The following SLC5A11 variants were observed in gnomAD, a reference collection of about 807,000 sequenced individuals.
SLC5A11 encodes the protein solute carrier family 5 member 11, also known as sodium/myo-inositol cotransporter 2.
Under a neutral mutation model 69.8 loss-of-function variants are expected in SLC5A11, and 48 were observed. That is an observed-to-expected ratio of 0.69 (90% CI 0.55 to 0.87). SLC5A11 has a LOEUF of 0.87. SLC5A11 is among the 40% of genes least tolerant of loss of function. SLC5A11 has a pLI of 0.00. For synonymous variants in SLC5A11, 319 were observed against 342.4 expected (o/e 0.93, Z 0.75); for missense variants, 784 against 866.1 (o/e 0.91, Z 1.19).
exon 15 of SLC5A11, chr16:24,910,397 A>C (rs1567712505): frequency 6.2e-7 from 1 of 1,614,124 alleles, no homozygotes; most frequent in Non-Finnish European, 8.5e-7. Flanking sequence ...ACCCTCTCTC[A>C]GAACGGGATG....
At chr16:24,899,378 T>G (rs1009278618) in intron 10 of SLC5A11, among the ~76,000 whole-genome samples, 6 of 152,150 alleles carry the variant, frequency 3.9e-5, no homozygotes, top group African/African-American at 1.4e-4. Context: ...GTGGTTGGGT[T>G]GGGTAACTTT....
chr16:24,868,768 A>G (rs1487660281), intron 3 of SLC5A11, among the ~76,000 whole-genome samples: 1 of 151,068 alleles, frequency 6.6e-6, no homozygotes, highest in African/African-American at 2.4e-5. Flanking sequence ...CTCTTTCACA[A>G]TTCTCTCTCC....
chr16:24,908,400 A>T (rs1158931065), intron 13 of SLC5A11, among the ~76,000 whole-genome samples: 1 of 152,042 alleles, frequency 6.6e-6, no homozygotes, highest in African/African-American at 2.4e-5. Context: ...GGAGTTTGAG[A>T]CCAGCCTGGC....
At chr16:24,859,787 TTAAC>T (rs1196504244) in intron 2 of SLC5A11, among the ~76,000 whole-genome samples, 1 of 152,242 alleles carries the variant, frequency 6.6e-6, no homozygotes, top group African/African-American at 2.4e-5. Flanking sequence ...TGTAATTTAT[TTAAC>T]TAGTCTCGGG....
intron 2 of SLC5A11, among the ~76,000 whole-genome samples, chr16:24,860,451 C>T (rs911083029): frequency 2.6e-5 from 4 of 151,932 alleles, no homozygotes; most frequent in African/African-American, 7.3e-5. Flanking sequence ...AGTGAAAATC[C>T]GTCTCAAAAA....
intron 4 of SLC5A11, among the ~76,000 whole-genome samples, chr16:24,871,001 A>T (rs2047263371): frequency 6.6e-6 from 1 of 152,068 alleles, no homozygotes. Context: ...AGCAGGGCTC[A>T]TTTGGGATAT....
chr16:24,877,097 C>T lies in SLC5A11; in HGVS notation c.478-161C>T, dbSNP rs2047724574. 3 of 1,486,930 alleles carry T rather than the reference C, an allele frequency of 2.0e-6. No individual in the cohort carries two copies. The East Asian group carries it at 7.0e-5, about 35-fold the overall frequency. The allele number at this position is 1,486,930 out of a possible 1,614,324, so 92.1% of individuals were successfully genotyped here. A position where few individuals can be genotyped will look rare whatever the true frequency, so the allele number is the denominator to read the frequency against. ...GGCCCACAGGGCTCCAGCTGAAGAC[C>T]CCTGATCTGGGATGCAGTGGATTAA... is the stretch of plus-strand genomic sequence containing the variant. On this transcript the variant is annotated intron_variant, in intron 6 of 15. Coordinates refer to ENST00000347898, the Ensembl canonical transcript of SLC5A11.
At chr16:24,893,116 C>CAAA (rs58331547) in intron 9 of SLC5A11, among the ~76,000 whole-genome samples, 21 of 99,086 alleles carry the variant, frequency 2.1e-4, no homozygotes, top group African/African-American at 5.5e-4. Flanking sequence ...ACTAAAAATA[C>CAAA]AAAAAAAAAA....
At chr16:24,874,552 T>A (rs998956144) in intron 5 of SLC5A11, among the ~76,000 whole-genome samples, 2 of 152,162 alleles carry the variant, frequency 1.3e-5, no homozygotes, top group East Asian at 3.8e-4. Flanking sequence ...TGTAGTGATA[T>A]CTCACTGCTT....
At chr16:24,889,046 G>A (rs1479234692) in intron 8 of SLC5A11, among the ~76,000 whole-genome samples, 1 of 148,364 alleles carries the variant, frequency 6.7e-6, no homozygotes, top group Non-Finnish European at 1.5e-5. Context: ...ATGCACCCGC[G>A]TTGGCCTCCC....
intron 1 of SLC5A11, among the ~76,000 whole-genome samples, chr16:24,856,894 C>T (rs1422290740): frequency 6.6e-6 from 1 of 152,158 alleles, no homozygotes; most frequent in Admixed American, 6.5e-5. Flanking sequence ...AATCTCAGCT[C>T]ACTGCAACCT....
At position 24,888,651 on chromosome 16, in the gene SLC5A11, T is replaced by C. The variant is rs928905861; in HGVS notation, c.665-2218T>C. Among the ~76,000 whole-genome samples the C allele has an allele frequency of 2.6e-5, 4 of 151,128 alleles. 1 individual carries two copies. Among genetic ancestry groups the C allele is most frequent in the Admixed American group, 6.6e-5 (1 of 15,116 alleles). ...GGCTCGCGCCACCACATCCAGCTTA[T>C]TTTTGTATTTTTAGTAGAGATGGGG... is the stretch of plus-strand genomic sequence containing the variant. On this transcript the variant is annotated intron_variant, in intron 8 of 15. Transcript: ENST00000347898.
chr16:24,905,640 G>GCACGCACA (rs1555534458), intron 10 of SLC5A11, among the ~76,000 whole-genome samples: 5 of 136,698 alleles, frequency 3.7e-5, no homozygotes, highest in Admixed American at 1.5e-4. Flanking sequence ...GCGCGCGCGC[G>GCACGCACA]CACACACACA....
chr16:24,864,867 C>T, intron 3 of SLC5A11, among the ~76,000 whole-genome samples: 1 of 151,428 alleles, frequency 6.6e-6, no homozygotes, highest in Non-Finnish European at 1.5e-5. Flanking sequence ...AAATAACATA[C>T]TCACTAGAGG....
chr16:24,910,556 T>G, intron 15 of SLC5A11, 79 bp downstream of exon 16: 1 of 1,444,782 alleles, frequency 6.9e-7, no homozygotes, highest in Non-Finnish European at 9.2e-7. Flanking sequence ...TCCTATCAAA[T>G]CACAAGCCAG....
At chr16:24,880,872 C>G (rs892954201) in intron 7 of SLC5A11, among the ~76,000 whole-genome samples, 4 of 152,104 alleles carry the variant, frequency 2.6e-5, no homozygotes, top group Admixed American at 6.6e-5. Flanking sequence ...ACCTCGCCAA[C>G]GTCGGTTATC....
chr16:24,854,712 A>G (rs982574299), intron 1 of SLC5A11, among the ~76,000 whole-genome samples: 5 of 150,276 alleles, frequency 3.3e-5, no homozygotes, highest in Non-Finnish European at 7.4e-5. Flanking sequence ...AATTACAGGC[A>G]TGAGCCACTG....
Position 24,908,949 on chromosome 16 carries a change from C to T in SLC5A11, c.1503C>T (p.Tyr501=), listed in dbSNP as rs142762087. The T allele has an allele frequency of 7.7e-5, 124 of 1,614,076 alleles. 1 individual carries two copies. In the African/African-American group the frequency reaches 1.2e-3, roughly 15 times the overall value. Residue 501 remains tyrosine (Y), a synonymous_variant, in exon 14 of 16, where the codon TAC becomes TAT. Transcript: ENST00000347898. ...TTAGGCTGGTCCTGGACTTTATTTACGTGCAGCCTCGATGCGACCAGCCAG... is the reference window on the plus strand; with the variant it reads ...TTAGGCTGGTCCTGGACTTTATTTATGTGCAGCCTCGATGCGACCAGCCAG...
chr16:24,888,880 T>A (rs1025473313), intron 8 of SLC5A11, among the ~76,000 whole-genome samples: 11 of 127,754 alleles, frequency 8.6e-5, no homozygotes, highest in African/African-American at 2.9e-4. Flanking sequence ...CACTGCAACC[T>A]CCACCTCCCG....
Sources: allele counts gnomAD v4.1 joint callset (sites outside exome capture counted in the v4.1 genomes callset), GRCh38; gene constraint gnomAD v4.1.1; transcripts MANE v1.5; gene names NCBI Gene and HGNC (gene_info 2026-07-23, HGNC 2026-07-21).